LRP1B: variants seen among roughly 807,000 people sequenced by gnomAD.
The protein encoded by LRP1B is LDL receptor related protein 1B, also known as low-density lipoprotein receptor-related protein 1B.
LRP1B carries 217 observed loss-of-function variants against 556.6 expected under a neutral mutation model. The observed-to-expected ratio is 0.39, with a 90% CI of 0.35 to 0.44. The LOEUF (loss-of-function observed/expected upper bound fraction) is 0.44. LRP1B is among the 20% of genes least tolerant of loss of function. The probability of loss-of-function intolerance (pLI) is 1.00; values close to 1 mark genes in which losing one functional copy is unlikely to be tolerated. For synonymous variants in LRP1B, 2,047 were observed against 1,865.8 expected (o/e 1.10, Z -2.50); for missense variants, 5,053 against 5,620.8 (o/e 0.90, Z 3.23).
In LRP1B at chr2:140,370,668, C is replaced by T. The variant is rs201546757; in HGVS notation, c.11008+42G>A. On this transcript the variant is annotated intron_variant, in intron 71 of 90. Transcript: ENST00000389484. ...ATATTCTGCACAGAACCTTAACTTT[C>T]ATTCTCTCATTTACAGGCACACACA... 2.2e-5 allele frequency: 35 copies of T among 1,606,492 alleles called. 1 individual carries two copies. In the Middle Eastern group the frequency reaches 2.8e-3, roughly 130 times the overall value.
chr2:140,267,204 A>T (rs1682245170), intron 86 of LRP1B, among the ~76,000 whole-genome samples: 1 of 152,024 alleles, frequency 6.6e-6, no homozygotes, highest in Admixed American at 6.6e-5. Context: ...TGTCTTCAAA[A>T]ATTTATAGAG....
intron 60 of LRP1B, among the ~76,000 whole-genome samples, chr2:140,458,133 G>T (rs999805195): frequency 6.6e-6 from 1 of 151,970 alleles, no homozygotes; most frequent in African/African-American, 2.4e-5. Flanking sequence ...GAAGAAATGT[G>T]TCTACTACCT....
chr2:141,201,418 G>C (rs1000311176), intron 6 of LRP1B, among the ~76,000 whole-genome samples: 2 of 152,034 alleles, frequency 1.3e-5, no homozygotes, highest in African/African-American at 4.8e-5. Context: ...CTGACTCACA[G>C]TCATGGAAGT....
At chr2:141,960,993 A>C (rs1262766278) in intron 1 of LRP1B, among the ~76,000 whole-genome samples, 1 of 151,778 alleles carries the variant, frequency 6.6e-6, no homozygotes, top group Non-Finnish European at 1.5e-5. Context: ...TTCCAATTAA[A>C]AGCTGTTCTG....
intron 1 of LRP1B, among the ~76,000 whole-genome samples, chr2:142,001,536 C>T (rs886874023): frequency 1.3e-5 from 2 of 152,036 alleles, no homozygotes; most frequent in Admixed American, 6.6e-5. Flanking sequence ...CTTGAAAACG[C>T]AAAGAAAGGT....
intron 7 of LRP1B, among the ~76,000 whole-genome samples, chr2:141,107,672 A>G (rs1479001404): frequency 6.6e-6 from 1 of 152,120 alleles, no homozygotes; most frequent in Non-Finnish European, 1.5e-5. Context: ...GAAAGACTAT[A>G]TTTAAATTCC....
intron 2 of LRP1B, among the ~76,000 whole-genome samples, chr2:141,557,100 G>A (rs1351685286): frequency 1.3e-5 from 2 of 151,628 alleles, no homozygotes; most frequent in East Asian, 3.9e-4. Context: ...ACGGTAAAAG[G>A]GGAATATGTA....
At chr2:140,964,003 C>T (rs919909295) in intron 18 of LRP1B, among the ~76,000 whole-genome samples, 1 of 151,988 alleles carries the variant, frequency 6.6e-6, no homozygotes, top group Admixed American at 6.6e-5. Context: ...GTAGTGGCCC[C>T]GAATGTCGGG....
At chr2:140,878,082 T>C (rs991013769) in intron 25 of LRP1B, among the ~76,000 whole-genome samples, 25 of 152,270 alleles carry the variant, frequency 1.6e-4, no homozygotes, top group African/African-American at 4.1e-4. Flanking sequence ...AATAAGACCA[T>C]TGGGAAAGGA....
At chr2:141,109,901 C>T (rs746584612) in intron 7 of LRP1B, among the ~76,000 whole-genome samples, 4 of 152,130 alleles carry the variant, frequency 2.6e-5, no homozygotes, top group African/African-American at 7.2e-5. Flanking sequence ...CAAGGCTTAT[C>T]TGGTAGGATG....
intron 2 of LRP1B, among the ~76,000 whole-genome samples, chr2:141,583,927 A>G (rs1574105556): frequency 6.7e-6 from 1 of 149,812 alleles, no homozygotes; most frequent in East Asian, 2.0e-4. Context: ...TTTAGTAGCG[A>G]TGGGGTTTCA....
chr2:140,303,711 G>C (rs113829413), intron 83 of LRP1B, among the ~76,000 whole-genome samples: 1 of 151,800 alleles, frequency 6.6e-6, no homozygotes, highest in African/African-American at 2.4e-5. Context: ...CACAACATGC[G>C]GGTTTGTTAC....
At chr2:141,586,662 G>C (rs1176807702) in intron 2 of LRP1B, among the ~76,000 whole-genome samples, 1 of 152,200 alleles carries the variant, frequency 6.6e-6, no homozygotes, top group East Asian at 1.9e-4. Flanking sequence ...GAGAAAGGGG[G>C]CCGGGCGCGG....
At chr2:141,035,666 A>C (rs1025342069) in intron 11 of LRP1B, among the ~76,000 whole-genome samples, 1 of 151,756 alleles carries the variant, frequency 6.6e-6, no homozygotes, top group African/African-American at 2.4e-5. Context: ...CTTTAAATAA[A>C]AGATTTTTTC....
intron 57 of LRP1B, among the ~76,000 whole-genome samples, chr2:140,488,167 A>C (rs1392852252): frequency 6.6e-6 from 1 of 152,044 alleles, no homozygotes; most frequent in Non-Finnish European, 1.5e-5. Flanking sequence ...TCATCTGATT[A>C]AGATGAGCCC....
At chr2:140,945,939 A>G (rs1695531044) in intron 20 of LRP1B, among the ~76,000 whole-genome samples, 1 of 152,198 alleles carries the variant, frequency 6.6e-6, no homozygotes, top group African/African-American at 2.4e-5. Flanking sequence ...GAATGGGGGC[A>G]AGTCTTTGCA....
intron 3 of LRP1B, among the ~76,000 whole-genome samples, chr2:141,364,577 C>A (rs1294671655): frequency 6.6e-6 from 1 of 152,166 alleles, no homozygotes; most frequent in Non-Finnish European, 1.5e-5. Flanking sequence ...ATATAGAAGG[C>A]ACATAACATA....
At chr2:141,528,834 A>G (rs1684780595) in intron 2 of LRP1B, among the ~76,000 whole-genome samples, 1 of 152,176 alleles carries the variant, frequency 6.6e-6, no homozygotes, top group Admixed American at 6.6e-5. Flanking sequence ...TTATAGGGTA[A>G]GAGAATATAT....
intron 18 of LRP1B, among the ~76,000 whole-genome samples, chr2:140,975,288 G>A (rs137856322): frequency 1.3e-5 from 2 of 152,044 alleles, no homozygotes; most frequent in African/African-American, 4.8e-5. Flanking sequence ...AAAGGAGGAA[G>A]TTCAGGGAAT....
Sources: allele counts gnomAD v4.1 joint callset (sites outside exome capture counted in the v4.1 genomes callset), GRCh38; gene constraint gnomAD v4.1.1; transcripts MANE v1.5; gene names NCBI Gene and HGNC (gene_info 2026-07-23, HGNC 2026-07-21).